The following KLHL41 variants were observed in gnomAD, a reference collection of about 807,000 sequenced individuals.
KLHL41 encodes kelch-like protein 41.
In KLHL41, 31 loss-of-function variants were observed where a neutral mutation model predicts 49.2. The ratio of observed to expected loss-of-function variants is 0.63; its 90% confidence interval spans 0.47 to 0.85. The LOEUF (loss-of-function observed/expected upper bound fraction) is 0.85, where lower values mean the gene tolerates loss of function less well. Among genes scored for constraint, KLHL41 ranks in the 40% least tolerant of loss-of-function variants. The probability of loss-of-function intolerance (pLI) is 0.00; values close to 1 mark genes in which losing one functional copy is unlikely to be tolerated. For synonymous variants in KLHL41, 218 were observed against 258.5 expected (o/e 0.84, Z 1.50); for missense variants, 663 against 726.7 (o/e 0.91, Z 1.01).
intron 3 of KLHL41, among the ~76,000 whole-genome samples, chr2:169,517,845 T>C (rs979094687): frequency 2.6e-5 from 4 of 152,230 alleles, no homozygotes; most frequent in Admixed American, 1.3e-4. Context: ...AAACTTACCA[T>C]TTGTTATTGA....
chr2:169,523,248 T>C (rs934403966), intron 5 of KLHL41, among the ~76,000 whole-genome samples: 1 of 152,152 alleles, frequency 6.6e-6, no homozygotes, highest in Admixed American at 6.5e-5. Flanking sequence ...TCCTCTCTGA[T>C]TGTGGTTTAT....
At chr2:169,514,311 C>A in intron 1 of KLHL41, 2 of 318,910 alleles carry the variant, frequency 6.3e-6, no homozygotes, top group South Asian at 1.3e-4. Context: ...TTGTAATTAA[C>A]CTCTGGTGAT....
At chr2:169,525,401 G>C (rs969971055) in intron 5 of KLHL41, among the ~76,000 whole-genome samples, 184 bp from the exon 6 acceptor site, 2 of 152,194 alleles carry the variant, frequency 1.3e-5, no homozygotes, top group African/African-American at 2.4e-5. Context: ...CAGTAGTTCA[G>C]GCACATGCTC....
At position 169,510,691 on chromosome 2, in the gene KLHL41, C is replaced by T. The variant is rs149971244; in HGVS notation, c.913C>T (p.Leu305Phe). ...CAGGCATGGAATGTTTGTAAAAGAC[C>T]TCATCCTCTTGGTTAATGACACAGC... ...IPRHGMFVKD[L>F]ILLVNDTAAV... The change falls in exon 1 of 6, where the codon CTC (leucine) becomes TTC (phenylalanine). Residue 305 changes from leucine (L) to phenylalanine (F), a missense_variant. Physicochemically the swap from Leu to Phe is conservative, Grantham distance 22. This residue lies in a region of KLHL41 where 528 missense variants were observed against 581.0 expected (regional missense o/e 0.91). Coordinates refer to ENST00000284669, the MANE Select transcript of KLHL41 (RefSeq NM_006063.3). This position sits in a 1 kb window ranked among gnomAD's most constrained non-coding sequence, Gnocchi z 4.2. 245 of 1,614,066 alleles carry T rather than the reference C, an allele frequency of 1.5e-4. No homozygotes were observed. The African/African-American group carries it at 2.9e-3, about 19-fold the overall frequency.
At chr2:169,518,488 C>A in intron 4 of KLHL41, 113 bp downstream of exon 4, 1 of 699,706 alleles carries the variant, frequency 1.4e-6, no homozygotes, top group Non-Finnish European at 2.3e-6. Flanking sequence ...GGGTACAGAG[C>A]CACAGATTAC....
At chr2:169,515,737 G>C (rs1202000986) in intron 3 of KLHL41, among the ~76,000 whole-genome samples, 1 of 152,130 alleles carries the variant, frequency 6.6e-6, no homozygotes, top group Non-Finnish European at 1.5e-5. Flanking sequence ...TGAAAGAAAA[G>C]CGTGGTGATT....
rs756474651 is a variant in KLHL41, at chr2:169,510,011, A to G, written c.233A>G (p.Asn78Ser). 4.3e-6 allele frequency: 7 copies of G among 1,614,080 alleles called. No individual in the cohort carries two copies. The Admixed American group carries it at 1.0e-4, about 23-fold the overall frequency. ...EAKKKEVVLDNVDPAILDLII... is the reference protein window; with the variant it reads ...EAKKKEVVLDSVDPAILDLII... ...AAAAAAAAGGAGGTAGTGCTAGACA[A>G]TGTGGATCCTGCTATACTTGATTTA... The change falls in exon 1 of 6, where the codon AAT (asparagine) becomes AGT (serine). Residue 78 changes from asparagine to serine, a missense_variant. Coordinates refer to ENST00000284669, the MANE Select transcript of KLHL41 (RefSeq NM_006063.3). The surrounding 1 kb of genome is among the most constrained non-coding windows in gnomAD (Gnocchi z 4.2).
intron 1 of KLHL41, among the ~76,000 whole-genome samples, chr2:169,511,588 CTCTTAT>C (rs1684030081): frequency 6.6e-6 from 1 of 152,084 alleles, no homozygotes; most frequent in South Asian, 2.1e-4. Flanking sequence ...AGCACTTCAT[CTCTTAT>C]TTATGGTTAC....
Position 169,510,344 on chromosome 2 carries a change from ATG to A in KLHL41, c.568_569del (p.Val190ArgfsTer8). On this transcript the variant is annotated frameshift_variant, in exon 1 of 6. Coordinates refer to ENST00000284669, the MANE Select transcript of KLHL41 (RefSeq NM_006063.3). LOFTEE classifies it high-confidence loss of function. The surrounding 1 kb of genome is among the most constrained non-coding windows in gnomAD (Gnocchi z 4.2). ...TCAGTCATTTCAAATGACAGCCTAAATGTAGAAAAAGAAGAAGCAGTATTTGA... is the reference window on the plus strand; with the variant it reads ...TCAGTCATTTCAAATGACAGCCTAAATAGAAAAAGAAGAAGCAGTATTTGA... 1 of 1,614,180 alleles carries A rather than the reference ATG, an allele frequency of 6.2e-7. No individual in the cohort carries two copies. The highest frequency in any genetic ancestry group is 2.2e-5 in the East Asian group (1 of 44,886).
chr2:169,514,835 C>G lies in KLHL41; in HGVS notation c.1269-19C>G. Reference sequence around the variant, plus strand: ...GGAATTTACTGAAGGTATATAAATTCTGTCTCGTTTAATTTTAGGGCTGCA... The same window carrying G: ...GGAATTTACTGAAGGTATATAAATTGTGTCTCGTTTAATTTTAGGGCTGCA... On this transcript the variant is annotated intron_variant, in intron 2 of 5. Transcript: ENST00000284669. The G allele has an allele frequency of 6.3e-7, 1 of 1,598,588 alleles. No individual in the cohort carries two copies. Among genetic ancestry groups the G allele is most frequent in the South Asian group, 1.1e-5 (1 of 88,280 alleles).
intron 5 of KLHL41, among the ~76,000 whole-genome samples, chr2:169,525,137 G>A (rs1161921729): frequency 1.3e-4 from 20 of 152,202 alleles, no homozygotes. Context: ...AGTGACAGCT[G>A]TGTATCAGGT....
chr2:169,520,483 G>A lies in KLHL41; in HGVS notation c.1563-378G>A, dbSNP rs71430673. ...TTATTTTTTATTTAGATGGAGTCTC[G>A]CTCTGTTGCCCAGGCTGGAGTACAG... On this transcript the variant is annotated intron_variant, in intron 4 of 5. Coordinates refer to ENST00000284669, the MANE Select transcript of KLHL41 (RefSeq NM_006063.3). Among the ~76,000 whole-genome samples the A allele has an allele frequency of 7.5e-3, 1,127 of 150,488 alleles. 8 individuals are homozygous for A. The highest frequency in any genetic ancestry group is 0.013 in the Non-Finnish European group (872 of 67,754).
chr2:169,515,464 G>A (rs900922468), intron 3 of KLHL41, among the ~76,000 whole-genome samples: 1 of 152,188 alleles, frequency 6.6e-6, no homozygotes, highest in African/African-American at 2.4e-5. Context: ...TGCTAGGAAT[G>A]AGCCTAATAC....
chr2:169,520,150 CTCTGTGTGTG>C (rs2105312005), intron 4 of KLHL41, among the ~76,000 whole-genome samples: 1 of 138,178 alleles, frequency 7.2e-6, no homozygotes, highest in Admixed American at 7.9e-5. Context: ...CCAGGCCTAG[CTCTGTGTGTG>C]TGTGTGTGTG....
At position 169,525,775 on chromosome 2, in the gene KLHL41, C is replaced by G; in HGVS notation, c.*79C>G. On this transcript the variant is annotated 3_prime_UTR_variant, in exon 6 of 6. Transcript: ENST00000284669. ...TTTAATTTATTCTGTTTTTTAAAAG[C>G]TTGTACAGACACTCATGTAGAAATT... The G allele has an allele frequency of 1.3e-6, 1 of 752,274 alleles. No homozygotes were observed. The allele number at this position is 752,274 out of a possible 1,614,324, so 46.6% of individuals were successfully genotyped here.
chr2:169,523,142 G>A (rs935340453), intron 5 of KLHL41, among the ~76,000 whole-genome samples: 1 of 152,148 alleles, frequency 6.6e-6, no homozygotes, highest in Admixed American at 6.5e-5. Flanking sequence ...AAGCCATGCT[G>A]CCCCTGCAGG....
At chr2:169,525,208 C>T (rs1353101991) in intron 5 of KLHL41, among the ~76,000 whole-genome samples, 3 of 152,142 alleles carry the variant, frequency 2.0e-5, no homozygotes, top group Admixed American at 2.0e-4. Context: ...ACCGATAGTC[C>T]CTGCTCTTCC....
chr2:169,511,875 CTTATA>C (rs1684033537), intron 1 of KLHL41, among the ~76,000 whole-genome samples: 1 of 152,150 alleles, frequency 6.6e-6, no homozygotes, highest in East Asian at 1.9e-4. Context: ...AGGAATTTGT[CTTATA>C]TTATCAATGT....
intron 5 of KLHL41, among the ~76,000 whole-genome samples, chr2:169,523,235 G>A (rs942630889): frequency 6.6e-6 from 1 of 152,108 alleles, no homozygotes; most frequent in Non-Finnish European, 1.5e-5. Flanking sequence ...CCTAAAAGAG[G>A]GATCCTCTCT....
Sources: allele counts gnomAD v4.1 joint callset (sites outside exome capture counted in the v4.1 genomes callset), GRCh38; gene constraint gnomAD v4.1.1; regional missense constraint gnomAD v4.1.1; non-coding constraint Gnocchi (gnomAD v3.1); transcripts MANE v1.5; gene names NCBI Gene and HGNC (gene_info 2026-07-23, HGNC 2026-07-21).